ARHGEF18: variants seen among roughly 807,000 people sequenced by gnomAD.
ARHGEF18 encodes the protein rho guanine nucleotide exchange factor 18.
A neutral mutation model predicts 155.7 loss-of-function variants in ARHGEF18; 93 were observed. The observed-to-expected ratio is 0.60, with a 90% CI of 0.50 to 0.71. ARHGEF18 has a LOEUF of 0.71. ARHGEF18 is among the 30% of genes least tolerant of loss of function. The pLI is 0.00. For synonymous variants in ARHGEF18, 742 were observed against 753.1 expected, an observed-to-expected ratio of 0.99 and a Z score of 0.24; for missense variants, 1,593 against 1,816.1, an observed-to-expected ratio of 0.88 and a Z score of 2.23.
rs559356354 is a variant in ARHGEF18, at chr19:7,463,680, C to T, written c.2636-138C>T. ...CAGGGACAGTGGGGCTGAAATCCCACGGCACACAGAAGGGGGCAGGCGATC... is the reference window on the plus strand; with the variant it reads ...CAGGGACAGTGGGGCTGAAATCCCATGGCACACAGAAGGGGGCAGGCGATC... On this transcript the variant is annotated intron_variant, in intron 21 of 28. Coordinates refer to ENST00000668164, the MANE Select transcript of ARHGEF18 (RefSeq NM_001367823.1). This position sits in a 1 kb window ranked among gnomAD's most constrained non-coding sequence, Gnocchi z 5.2. 38 of 1,103,658 alleles carry T rather than the reference C, an allele frequency of 3.4e-5. No homozygotes were observed. The highest frequency in any genetic ancestry group is 1.4e-4 in the Admixed American group (5 of 35,094). The allele number at this position is 1,103,658 out of a possible 1,614,324, so 68.4% of individuals were successfully genotyped here. A position where few individuals can be genotyped will look rare whatever the true frequency, so the allele number is the denominator to read the frequency against.
the ARHGEF18 span, among the ~76,000 whole-genome samples, chr19:7,478,543 T>TC: frequency 6.6e-6 from 1 of 152,248 alleles, no homozygotes; most frequent in South Asian, 2.1e-4. Flanking sequence ...TGCCTCATGC[T>TC]CCCGGGGACT....
intron 10 of ARHGEF18, among the ~76,000 whole-genome samples, chr19:7,410,332 G>A (rs988975423): frequency 6.6e-6 from 1 of 151,700 alleles, no homozygotes; most frequent in Non-Finnish European, 1.5e-5. Flanking sequence ...AGTCACCTCT[G>A]CTGACATTTA....
rs1970472349 is a variant in ARHGEF18 at position 7,376,631 on chromosome 19, A to G, written c.427-12A>G. Reference sequence around the variant, plus strand: ...GCCTTCCCAGCTTAGTGAGATGTTTAATCCCCTGCAGGAATGTGACAGCCC... The same window carrying G: ...GCCTTCCCAGCTTAGTGAGATGTTTGATCCCCTGCAGGAATGTGACAGCCC... On this transcript the variant is annotated splice_polypyrimidine_tract_variant and intron_variant, in intron 4 of 28. Transcript: ENST00000668164. The G allele has an allele frequency of 8.1e-7, 1 of 1,232,690 alleles. No homozygotes were observed. Among genetic ancestry groups the G allele is most frequent in the African/African-American group, 1.6e-5 (1 of 64,426 alleles). The allele number at this position is 1,232,690 out of a possible 1,614,324, so 76.4% of individuals were successfully genotyped here. A position where few individuals can be genotyped will look rare whatever the true frequency, so the allele number is the denominator to read the frequency against.
At chr19:7,372,415 T>G (rs1600216380) in intron 2 of ARHGEF18, among the ~76,000 whole-genome samples, 3 of 144,700 alleles carry the variant, frequency 2.1e-5, no homozygotes, top group African/African-American at 5.2e-5. Flanking sequence ...AAGAGGGAAG[T>G]GAAGGACAAA....
Position 7,444,397 on chromosome 19 carries a change from G to T in ARHGEF18, c.1554G>T (p.Glu518Asp), listed in dbSNP as rs892485282. The change falls in exon 14 of 29, where the codon GAG becomes GAT. Residue 518 changes from glutamate to aspartate, a missense_variant. Transcript: ENST00000668164. This position sits in a 1 kb window ranked among gnomAD's most constrained non-coding sequence, Gnocchi z 4.7. ...RLKERRQESL[E>D]EGSDRNYVIQ... ...AGGAGCGCCGCCAGGAGTCCCTGGAGGAGGGCAGTGACCGGAATTATGTCA... is the reference window on the plus strand; with the variant it reads ...AGGAGCGCCGCCAGGAGTCCCTGGATGAGGGCAGTGACCGGAATTATGTCA... 3.1e-6 allele frequency: 5 copies of T among 1,613,594 alleles called. No individual in the cohort carries two copies. The African/African-American group carries it at 6.7e-5, about 22-fold the overall frequency.
intron 10 of ARHGEF18, among the ~76,000 whole-genome samples, chr19:7,403,418 T>C (rs1293883451): frequency 2.0e-5 from 3 of 152,248 alleles, no homozygotes; most frequent in Non-Finnish European, 4.4e-5. Context: ...CTGTCTATTC[T>C]AGACTTTTCA....
At chr19:7,461,017 G>A (rs931709076) in intron 20 of ARHGEF18, among the ~76,000 whole-genome samples, 9 of 151,766 alleles carry the variant, frequency 5.9e-5, no homozygotes, top group Admixed American at 3.9e-4. Context: ...TCAATCTCTC[G>A]ACCTCGTGAT....
chr19:7,351,957 A>T (rs1969168483), intron 1 of ARHGEF18, among the ~76,000 whole-genome samples: 1 of 152,104 alleles, frequency 6.6e-6, no homozygotes, highest in South Asian at 2.1e-4. Flanking sequence ...GGCCTCCCAA[A>T]GTGCTGGGAT....
intron 15 of ARHGEF18, 75 bp from the exon 16 acceptor site, chr19:7,451,074 T>C: frequency 7.2e-7 from 1 of 1,384,904 alleles, no homozygotes; most frequent in Middle Eastern, 1.8e-4. Flanking sequence ...TGCTGTCCGT[T>C]TCTGAGATGT....
chr19:7,398,557 G>T (rs1971851914), intron 10 of ARHGEF18, among the ~76,000 whole-genome samples: 1 of 151,848 alleles, frequency 6.6e-6, no homozygotes, highest in South Asian at 2.1e-4. Flanking sequence ...TGGGCGTGGT[G>T]GCCTGCGCCT....
chr19:7,467,824 T>C (rs1223193669), intron 26 of ARHGEF18, 140 bp downstream of exon 26: 1 of 843,762 alleles, frequency 1.2e-6, no homozygotes, highest in African/African-American at 1.8e-5. Context: ...TACCCTTGCA[T>C]TAACAGCTCA....
intron 10 of ARHGEF18, among the ~76,000 whole-genome samples, chr19:7,396,180 A>G (rs1971698233): frequency 6.6e-6 from 1 of 152,174 alleles, no homozygotes; most frequent in Non-Finnish European, 1.5e-5. Flanking sequence ...CTCTGTTGAG[A>G]TTAAAGCCTG....
chr19:7,409,916 G>A (rs1352397187), intron 10 of ARHGEF18, among the ~76,000 whole-genome samples: 4 of 150,408 alleles, frequency 2.7e-5, no homozygotes, highest in South Asian at 2.1e-4. Flanking sequence ...TGGGATTACA[G>A]GTGCCTGCCA....
At chr19:7,467,825 T>A in intron 26 of ARHGEF18, 141 bp downstream of exon 26, 2 of 826,132 alleles carry the variant, frequency 2.4e-6, no homozygotes, top group Non-Finnish European at 3.5e-6. Context: ...ACCCTTGCAT[T>A]AACAGCTCAT....
downstream of ARHGEF18, chr19:7,477,468 C>G (rs752693004): frequency 5.8e-6 from 8 of 1,383,490 alleles, no homozygotes; most frequent in Admixed American, 2.4e-4. Flanking sequence ...CTTACACTCA[C>G]GCTCACACCT....
In ARHGEF18 at chr19:7,444,345, C is replaced by T. The variant is rs368462398; in HGVS notation, c.1502C>T (p.Thr501Met). The T allele has an allele frequency of 8.1e-5, 130 of 1,613,632 alleles. No individual in the cohort carries two copies. The highest frequency in any genetic ancestry group is 9.8e-5 in the Non-Finnish European group (116 of 1,180,026). ...CCATGCGCTGACGACCTGCTGGAGACGCACAGCCACTTCCTCGCTCGGCTC... is the reference window on the plus strand; with the variant it reads ...CCATGCGCTGACGACCTGCTGGAGATGCACAGCCACTTCCTCGCTCGGCTC... ...LFPCADDLLE[T>M]HSHFLARLKE... is the part of the protein sequence containing the mutation. The change falls in exon 14 of 29, where the codon ACG becomes ATG. Residue 501 changes from threonine to methionine, a missense_variant. Transcript: ENST00000668164. This position sits in a 1 kb window ranked among gnomAD's most constrained non-coding sequence, Gnocchi z 4.7.
At chr19:7,394,436 GC>G (rs1282817224) in intron 10 of ARHGEF18, among the ~76,000 whole-genome samples, 2 of 151,756 alleles carry the variant, frequency 1.3e-5, no homozygotes, top group African/African-American at 4.8e-5. Context: ...CACTGGGAGT[GC>G]CCCCCTTAGG....
chr19:7,395,160 T>TC lies in ARHGEF18; in HGVS notation c.967+11958dup. On this transcript the variant is annotated intron_variant, in intron 10 of 28. Coordinates refer to ENST00000668164, the MANE Select transcript of ARHGEF18 (RefSeq NM_001367823.1). The surrounding 1 kb of genome is among the most constrained non-coding windows in gnomAD (Gnocchi z 5.0). Reference sequence around the variant, plus strand: ...GCTCCCAGCTGCTAGCTACTGTGGATCTGGGGGGGCCGGACGGAGGCATCG... The same window carrying TC: ...GCTCCCAGCTGCTAGCTACTGTGGATCCTGGGGGGGCCGGACGGAGGCATCG... 9 of 985,894 alleles carry TC rather than the reference T, an allele frequency of 9.1e-6. No individual in the cohort carries two copies. The highest frequency in any genetic ancestry group is 1.1e-5 in the Non-Finnish European group (9 of 830,310). The allele number at this position is 985,894 out of a possible 1,614,324, so 61.1% of individuals were successfully genotyped here. A position where few individuals can be genotyped will look rare whatever the true frequency, so the allele number is the denominator to read the frequency against.
chr19:7,429,513 G>A (rs1164012712), intron 10 of ARHGEF18, among the ~76,000 whole-genome samples: 2 of 152,190 alleles, frequency 1.3e-5, no homozygotes, highest in Admixed American at 6.5e-5. Context: ...TTAGGCGGGA[G>A]AATTGCTTGA....
Sources: gnomAD v4.1 joint callset for allele counts (sites outside exome capture counted in the v4.1 genomes callset) on GRCh38, gnomAD v4.1.1 for gene constraint, Gnocchi (gnomAD v3.1) non-coding constraint, MANE v1.5 for transcripts, NCBI Gene and HGNC (gene_info 2026-07-23, HGNC 2026-07-21) for gene names.